GTF2H3: variants seen among roughly 807,000 people sequenced by gnomAD.
GTF2H3 encodes general transcription factor IIH subunit 3.
GTF2H3 carries 42 observed loss-of-function variants against 51.1 expected under a neutral mutation model. The ratio of observed to expected loss-of-function variants is 0.82; its 90% CI spans 0.64 to 1.06. The LOEUF (loss-of-function observed/expected upper bound fraction) is 1.06. Ranked by LOEUF, GTF2H3 falls within the 50% of genes least tolerant of loss-of-function variation. The pLI is 0.00. For missense variants in GTF2H3, 326 were observed against 366.1 expected (o/e 0.89, Z 0.89); for synonymous variants, 123 against 123.8 (o/e 0.99, Z 0.04).
rs781051455 is a variant in GTF2H3 at position 123,659,498 on chromosome 12, G to C, written c.616-18G>C. 3.1e-6 allele frequency: 5 copies of C among 1,613,650 alleles called. No homozygotes were observed. In the South Asian group the frequency reaches 5.5e-5, roughly 18 times the overall value. On this transcript the variant is annotated intron_variant, in intron 9 of 12. Transcript: ENST00000543341. ...TAGGTAAGTGCGAGTTTGGCAGCAA[G>C]CCGCCTGTGTCTTGCAGGCTTGTGA...
At position 123,647,836 on chromosome 12, in the gene GTF2H3, C is replaced by T. The variant is rs527580660; in HGVS notation, c.201-127C>T. 1.0e-3 allele frequency: 549 copies of T among 525,770 alleles called. 1 individual carries two copies. Among genetic ancestry groups the T allele is most frequent in the Non-Finnish European group, 1.5e-3 (453 of 304,272 alleles). The allele number at this position is 525,770 out of a possible 1,614,324, so 32.6% of individuals were successfully genotyped here. A position where few individuals can be genotyped will look rare whatever the true frequency, so the allele number is the denominator to read the frequency against. ...ATTTTTTTTAAAAAATGAAATTTAC[C>T]GTGGAATCTTGTGAGTCCCACATTG... On this transcript the variant is annotated intron_variant, in intron 3 of 12. Coordinates refer to ENST00000543341, the MANE Select transcript of GTF2H3 (RefSeq NM_001516.5).
At chr12:123,659,653 T>C in intron 10 of GTF2H3, 69 bp downstream of exon 10, 3 of 1,538,166 alleles carry the variant, frequency 2.0e-6, no homozygotes, top group Middle Eastern at 1.7e-4. Context: ...GGGAAAGGAA[T>C]GGAAGCAAGA....
intron 2 of GTF2H3, among the ~76,000 whole-genome samples, chr12:123,642,508 A>G (rs1955391736): frequency 6.6e-6 from 1 of 152,234 alleles, no homozygotes; most frequent in Non-Finnish European, 1.5e-5. Flanking sequence ...AAAAAAGATC[A>G]TGTACACATG....
At chr12:123,653,600 G>A (rs757841182) in intron 7 of GTF2H3, among the ~76,000 whole-genome samples, 73 of 151,376 alleles carry the variant, frequency 4.8e-4, no homozygotes, top group South Asian at 1.7e-3. Flanking sequence ...AGTGAGCCGA[G>A]ATTGCGCCAC....
At chr12:123,649,549 C>A (rs1269619962) in intron 4 of GTF2H3, 1 of 152,282 alleles carries the variant, frequency 6.6e-6, no homozygotes, top group Non-Finnish European at 1.5e-5. Context: ...CCAGTCAAGC[C>A]TTTGCACTCA....
chr12:123,640,255 T>C (rs556330644), intron 2 of GTF2H3, among the ~76,000 whole-genome samples: 1 of 152,200 alleles, frequency 6.6e-6, no homozygotes, highest in African/African-American at 2.4e-5. Flanking sequence ...TCTCTTTGTG[T>C]CACTGTAGAT....
intron 1 of GTF2H3, among the ~76,000 whole-genome samples, chr12:123,637,600 T>A (rs1200745760): frequency 2.0e-5 from 3 of 151,670 alleles, no homozygotes; most frequent in Non-Finnish European, 4.4e-5. Context: ...CCTGCCAGGT[T>A]CAAGTGATTC....
At chr12:123,659,984 C>T in intron 11 of GTF2H3, 54 bp downstream of exon 11, 1 of 1,600,530 alleles carries the variant, frequency 6.2e-7, no homozygotes, top group Non-Finnish European at 8.5e-7. Context: ...GGCAGGAAAA[C>T]AGTTTCTCAG....
chr12:123,645,415 T>C (rs752156600), intron 2 of GTF2H3, 40 bp from the exon 3 acceptor site: 3 of 1,032,658 alleles, frequency 2.9e-6, no homozygotes, highest in Non-Finnish European at 4.6e-6. Context: ...GTTATTTGGA[T>C]AGCTAATTTG....
Position 123,651,094 on chromosome 12 carries a change from T to C in GTF2H3, c.427+38T>C, listed in dbSNP as rs756417238. 5 of 1,427,740 alleles carry C rather than the reference T, an allele frequency of 3.5e-6. No individual in the cohort carries two copies. The South Asian group carries it at 5.7e-5, about 16-fold the overall frequency. 88.4% of individuals were successfully genotyped at this position (1,427,740 alleles called of 1,614,324 possible). A position where few individuals can be genotyped will look rare whatever the true frequency, so the allele number is the denominator to read the frequency against. ...TCTGAATCATTTAGAAGGTGTCTTC[T>C]GTAATAAACATATCTTAACTTGTGA... On this transcript the variant is annotated intron_variant, in intron 5 of 12. Transcript: ENST00000543341.
intron 1 of GTF2H3, 127 bp from the exon 2 acceptor site, chr12:123,639,131 CATAATT>C (rs1955331801): frequency 5.2e-6 from 3 of 574,058 alleles, no homozygotes; most frequent in Non-Finnish European, 9.3e-6. Context: ...CTGTTAATCT[CATAATT>C]ATAAGGTGAT....
In GTF2H3 at chr12:123,633,867, C is replaced by T. The variant is rs1372098264; in HGVS notation, c.8C>T (p.Ser3Leu). 3 of 1,613,526 alleles carry T rather than the reference C, an allele frequency of 1.9e-6. No individual in the cohort carries two copies. The highest frequency in any genetic ancestry group is 2.2e-5 in the East Asian group (1 of 44,890). ...TGAGGTGCTGGGACAGCCATGGTTT[C>T]AGACGGTGAGGACCCTGCAGGGCGG... MV[S>L]DEDELNLLVI... is the part of the protein sequence containing the mutation. Residue 3 changes from serine to leucine, a missense_variant, in exon 1 of 13, where the codon TCA (serine) becomes TTA (leucine). Ser to Leu is a moderately radical substitution (Grantham distance 145). Transcript: ENST00000543341.
intron 4 of GTF2H3, 74 bp downstream of exon 4, chr12:123,648,200 A>C: frequency 1.0e-6 from 1 of 980,880 alleles, no homozygotes; most frequent in Non-Finnish European, 1.5e-6. Context: ...AAGTTCAAAG[A>C]TGTGAGGTTC....
At chr12:123,635,421 A>G (rs1328328656) in intron 1 of GTF2H3, among the ~76,000 whole-genome samples, 3 of 152,048 alleles carry the variant, frequency 2.0e-5, no homozygotes, top group African/African-American at 7.2e-5. Flanking sequence ...AAATACAAAA[A>G]AATTAACCGG....
In GTF2H3 at chr12:123,648,068, A is replaced by G. The variant is rs1266622642; in HGVS notation, c.306A>G (p.Glu102=). The G allele has an allele frequency of 2.5e-6, 4 of 1,612,106 alleles. No individual in the cohort carries two copies. The highest frequency in any genetic ancestry group is 3.4e-6 in the Non-Finnish European group (4 of 1,178,276). ...NPSGSKDGKY[E]LLTSANEVIV... Reference sequence around the variant, plus strand: ...CTGGGAGTAAAGATGGAAAATACGAACTTTTAACCTCAGCAAATGAAGTTA... The same window carrying G: ...CTGGGAGTAAAGATGGAAAATACGAGCTTTTAACCTCAGCAAATGAAGTTA... Residue 102 remains glutamate, a synonymous_variant, in exon 4 of 13, where the codon GAA becomes GAG. Transcript: ENST00000543341.
intron 3 of GTF2H3, among the ~76,000 whole-genome samples, chr12:123,647,152 CAAA>C (rs1157428737): frequency 4.8e-5 from 3 of 63,128 alleles, no homozygotes; most frequent in East Asian, 5.8e-4. Flanking sequence ...GACCCTGTCT[CAAA>C]AAAAAAAAAA....
intron 1 of GTF2H3, among the ~76,000 whole-genome samples, chr12:123,638,735 G>A (rs1955323505): frequency 2.0e-5 from 3 of 148,540 alleles, no homozygotes; most frequent in Admixed American, 2.0e-4. Context: ...GTGCATTGGA[G>A]ATATAGTGGT....
At chr12:123,639,844 G>T (rs1955341624) in intron 2 of GTF2H3, 2 of 404,906 alleles carry the variant, frequency 4.9e-6, no homozygotes, top group Non-Finnish European at 1.0e-5. Context: ...GCAATCTACA[G>T]ACCTAAGCAG....
chr12:123,660,151 T>C lies in GTF2H3; in HGVS notation c.858-15T>C. 3 of 1,608,694 alleles carry C rather than the reference T, an allele frequency of 1.9e-6. No homozygotes were observed. The highest frequency in any genetic ancestry group is 2.5e-6 in the Non-Finnish European group (3 of 1,177,996). ...TCTAGAACATTAAAAAATGTTTTCC[T>C]CTCTGTAATTTCAGGACAGCCTTTA... On this transcript the variant is annotated splice_polypyrimidine_tract_variant and intron_variant, in intron 12 of 12. Transcript: ENST00000543341.
Sources: gnomAD v4.1 joint callset for allele counts (sites outside exome capture counted in the v4.1 genomes callset) on GRCh38, gnomAD v4.1.1 for gene constraint, MANE v1.5 for transcripts, NCBI Gene and HGNC (gene_info 2026-07-23, HGNC 2026-07-21) for gene names.